CSMD1: variants seen among roughly 807,000 people sequenced by gnomAD.
CSMD1 encodes CUB and sushi domain-containing protein 1.
A neutral mutation model predicts 417.5 loss-of-function variants in CSMD1; 213 were observed. The ratio of observed to expected loss-of-function variants is 0.51; its 90% CI spans 0.46 to 0.57. The LOEUF is 0.57. Ranked by LOEUF, CSMD1 falls within the 20% of genes least tolerant of loss-of-function variation. The pLI is 0.00. For missense variants in CSMD1, 6,923 were observed against 4,529.7 expected, an observed-to-expected ratio of 1.53 and a Z score of -15.17; for synonymous variants, 2,862 against 1,736.8, an observed-to-expected ratio of 1.65 and a Z score of -16.11.
intron 3 of CSMD1, among the ~76,000 whole-genome samples, chr8:4,071,125 C>CT (rs762159007): frequency 6.7e-6 from 1 of 149,718 alleles, no homozygotes; most frequent in Non-Finnish European, 1.5e-5. Context: ...CTTTTTTTTT[C>CT]TTTTTTTTCC....
In CSMD1 at chr8:4,983,987, T is replaced by C. The variant is rs371137230; in HGVS notation, c.85+10345A>G. Among the ~76,000 whole-genome samples, 7 of 152,080 alleles carry C rather than the reference T, an allele frequency of 4.6e-5. No homozygotes were observed. In the East Asian group the frequency reaches 1.4e-3, roughly 29 times the overall value. On this transcript the variant is annotated intron_variant, in intron 1 of 69. Transcript: ENST00000635120. ...TTAGGGTGTACCTGGCCTGGCTGAA[T>C]TGGAAGTCACAAGGGCAGATTTGAA... is the stretch of plus-strand genomic sequence containing the variant.
chr8:3,995,858 C>A (rs952479457), intron 5 of CSMD1, among the ~76,000 whole-genome samples: 1 of 152,156 alleles, frequency 6.6e-6, no homozygotes, highest in Admixed American at 6.5e-5. Flanking sequence ...CATGAAGGCA[C>A]ACAGGATCAT....
intron 7 of CSMD1, among the ~76,000 whole-genome samples, chr8:3,676,719 G>T (rs562643564): frequency 1.3e-4 from 20 of 152,194 alleles, no homozygotes; most frequent in African/African-American, 4.8e-4. Context: ...AACTCAGTGT[G>T]ATCATTGAAA....
Position 3,521,598 on chromosome 8 carries a change from G to C in CSMD1, c.1345-27872C>G, listed in dbSNP as rs182006450. ...TACTGACCATCATTGCTCCTTCTTG[G>C]TGTTTAGCTAAATCCCTTGTACACG... On this transcript the variant is annotated intron_variant, in intron 10 of 69. Transcript: ENST00000635120. Among the ~76,000 whole-genome samples, 481 of 152,222 alleles carry C rather than the reference G, an allele frequency of 3.2e-3. 5 individuals carry two copies. The highest frequency in any genetic ancestry group is 0.011 in the African/African-American group (458 of 41,534).
chr8:4,305,681 G>A (rs1217974726), intron 3 of CSMD1, among the ~76,000 whole-genome samples: 1 of 152,196 alleles, frequency 6.6e-6, no homozygotes, highest in Non-Finnish European at 1.5e-5. Flanking sequence ...GTAAGTGCTT[G>A]CTCAAAATGT....
At chr8:4,431,861 G>A (rs1316917043) in intron 2 of CSMD1, among the ~76,000 whole-genome samples, 1 of 151,900 alleles carries the variant, frequency 6.6e-6, no homozygotes, top group Admixed American at 6.6e-5. Context: ...TTTTCTTGGT[G>A]GAATAAAATT....
intron 1 of CSMD1, among the ~76,000 whole-genome samples, chr8:4,818,991 A>G (rs1364364854): frequency 6.6e-6 from 1 of 152,176 alleles, no homozygotes; most frequent in Non-Finnish European, 1.5e-5. Context: ...TGCAAAATGA[A>G]AAAAAATATT....
chr8:3,879,946 A>G (rs1186874549), intron 5 of CSMD1, among the ~76,000 whole-genome samples: 2 of 152,124 alleles, frequency 1.3e-5, no homozygotes, highest in African/African-American at 4.8e-5. Context: ...GACTTACTAC[A>G]TATTTATTTG....
intron 8 of CSMD1, among the ~76,000 whole-genome samples, chr8:3,587,596 C>G (rs945160856): frequency 2.6e-5 from 4 of 152,124 alleles, no homozygotes; most frequent in Non-Finnish European, 5.9e-5. Context: ...TAACATCGCA[C>G]CAGCATCCCC....
At chr8:3,483,972 G>A (rs1172884579) in intron 11 of CSMD1, among the ~76,000 whole-genome samples, 1 of 152,166 alleles carries the variant, frequency 6.6e-6, no homozygotes, top group Non-Finnish European at 1.5e-5. Flanking sequence ...ATTTAACATA[G>A]TAAATATGTC....
At chr8:4,000,861 C>G (rs1425295262) in intron 4 of CSMD1, among the ~76,000 whole-genome samples, 1 of 151,492 alleles carries the variant, frequency 6.6e-6, no homozygotes, top group Non-Finnish European at 1.5e-5. Context: ...CCTTTATTAC[C>G]TAAGAAGATA....
intron 1 of CSMD1, among the ~76,000 whole-genome samples, chr8:4,869,225 G>C (rs1454076330): frequency 6.6e-6 from 1 of 151,884 alleles, no homozygotes; most frequent in South Asian, 2.1e-4. Flanking sequence ...TTTTCCCATA[G>C]AAAAGCATCT....
intron 1 of CSMD1, among the ~76,000 whole-genome samples, chr8:4,639,379 T>C (rs1033240781): frequency 6.6e-6 from 1 of 151,542 alleles, no homozygotes; most frequent in Non-Finnish European, 1.5e-5. Context: ...TCGTTGGAAG[T>C]GTGCTCTCAT....
intron 1 of CSMD1, among the ~76,000 whole-genome samples, chr8:4,702,061 G>C (rs62484586): frequency 2.7e-4 from 41 of 152,232 alleles, no homozygotes; most frequent in Non-Finnish European, 5.4e-4. Flanking sequence ...TGAACAATGA[G>C]AACACATGGA....
chr8:4,007,770 T>G (rs953955150), intron 4 of CSMD1, among the ~76,000 whole-genome samples: 1 of 152,222 alleles, frequency 6.6e-6, no homozygotes, highest in Non-Finnish European at 1.5e-5. Flanking sequence ...CATTTGTCTT[T>G]AACAAGTGTT....
chr8:4,699,153 T>C (rs1807343958), intron 1 of CSMD1, among the ~76,000 whole-genome samples: 1 of 152,184 alleles, frequency 6.6e-6, no homozygotes, highest in African/African-American at 2.4e-5. Context: ...TTGGAACAAT[T>C]AATTCCGTGT....
At chr8:4,146,342 T>G (rs1318145473) in intron 3 of CSMD1, among the ~76,000 whole-genome samples, 2 of 150,810 alleles carry the variant, frequency 1.3e-5, no homozygotes, top group Non-Finnish European at 2.9e-5. Flanking sequence ...GGTGGATTCA[T>G]TCTGATAAGC....
At chr8:4,494,300 C>T (rs1801869642) in intron 2 of CSMD1, among the ~76,000 whole-genome samples, 1 of 152,076 alleles carries the variant, frequency 6.6e-6, no homozygotes, top group Non-Finnish European at 1.5e-5. Context: ...ATAGACAAAA[C>T]ATGTAGGTTA....
At chr8:4,361,858 G>A (rs561347190) in intron 3 of CSMD1, among the ~76,000 whole-genome samples, 50 of 152,230 alleles carry the variant, frequency 3.3e-4, no homozygotes, top group African/African-American at 1.2e-3. Flanking sequence ...GGGAGGCTAA[G>A]GCAGAAGAAT....
Sources: allele counts gnomAD v4.1 joint callset (sites outside exome capture counted in the v4.1 genomes callset), GRCh38; gene constraint gnomAD v4.1.1; transcripts MANE v1.5; gene names NCBI Gene and HGNC (gene_info 2026-07-23, HGNC 2026-07-21).